LRRIQ1: variants seen among roughly 807,000 people sequenced by gnomAD.
LRRIQ1 encodes the protein leucine rich repeats and IQ motif containing 1.
LRRIQ1 carries 210 observed loss-of-function variants against 211.9 expected under a neutral mutation model. That is an observed-to-expected ratio of 0.99 (90% CI 0.89 to 1.11). LRRIQ1 has a LOEUF of 1.11. LRRIQ1 is among the 50% of genes most tolerant of loss of function. The pLI, the probability that LRRIQ1 is intolerant of heterozygous loss-of-function variation, is 0.00. For missense variants in LRRIQ1, 2,136 were observed against 1,939.5 expected (o/e 1.10, Z -1.90); for synonymous variants, 699 against 650.1 (o/e 1.08, Z -1.14).
At chr12:85,127,797 A>T (rs540752568) in intron 17 of LRRIQ1, 35 bp from the exon 18 acceptor site, 2 of 1,581,454 alleles carry the variant, frequency 1.3e-6, no homozygotes, top group East Asian at 2.2e-5. Flanking sequence ...ACAGATAATA[A>T]AAAAAGTGTG....
intron 15 of LRRIQ1, among the ~76,000 whole-genome samples, chr12:85,120,657 T>G (rs1226995431): frequency 2.0e-5 from 3 of 152,242 alleles, no homozygotes; most frequent in African/African-American, 7.2e-5. Flanking sequence ...TTCCTATCCA[T>G]GAACCCCCCC....
intron 24 of LRRIQ1, among the ~76,000 whole-genome samples, chr12:85,227,126 A>C (rs1051583499): frequency 6.6e-6 from 1 of 151,794 alleles, no homozygotes; most frequent in African/African-American, 2.4e-5. Context: ...ACTGTCTTCC[A>C]CAATGGTTGA....
At chr12:85,248,217 A>G (rs1406913068), downstream of LRRIQ1, among the ~76,000 whole-genome samples, 1 of 151,534 alleles carries the variant, frequency 6.6e-6, no homozygotes, top group African/African-American at 2.4e-5. Context: ...TATAATGATC[A>G]TATTTCTTTG....
At chr12:85,239,540 G>T (rs913364084) in intron 26 of LRRIQ1, among the ~76,000 whole-genome samples, 1 of 151,760 alleles carries the variant, frequency 6.6e-6, no homozygotes, top group Non-Finnish European at 1.5e-5. Flanking sequence ...ACAATTCAAG[G>T]GGGGGAAAGA....
At position 85,229,035 on chromosome 12, in the gene LRRIQ1, A is replaced by G. The variant is rs146939854; in HGVS notation, c.4823-482A>G. Among the ~76,000 whole-genome samples the G allele has an allele frequency of 5.2e-3, 790 of 152,290 alleles. 5 individuals are homozygous for G. The highest frequency in any genetic ancestry group is 8.5e-3 in the Non-Finnish European group (575 of 68,004). On this transcript the variant is annotated intron_variant, in intron 24 of 26. Coordinates refer to ENST00000393217, the MANE Select transcript of LRRIQ1 (RefSeq NM_001079910.2). ...CTTCAGTGTAACTCTGATATGTATGAAATACTATAGTAGCTTACACAAAGC... is the reference window on the plus strand; with the variant it reads ...CTTCAGTGTAACTCTGATATGTATGGAATACTATAGTAGCTTACACAAAGC...
intron 24 of LRRIQ1, among the ~76,000 whole-genome samples, chr12:85,161,164 C>T (rs1890852612): frequency 6.6e-6 from 1 of 152,032 alleles, no homozygotes; most frequent in Admixed American, 6.6e-5. Flanking sequence ...GTTTGCCCAA[C>T]TCACTGTTGG....
chr12:85,054,111 T>G (rs1239187103), intron 7 of LRRIQ1, among the ~76,000 whole-genome samples: 1 of 152,198 alleles, frequency 6.6e-6, no homozygotes, highest in Non-Finnish European at 1.5e-5. Context: ...GATTTTTCAT[T>G]TTATACATTC....
the LRRIQ1 span, among the ~76,000 whole-genome samples, chr12:85,270,047 C>A: frequency 6.6e-6 from 1 of 151,954 alleles, no homozygotes; most frequent in Non-Finnish European, 1.5e-5. Flanking sequence ...GAGGACCCCA[C>A]CTTCATGACC....
chr12:85,261,765 TTTTA>T (rs375693906), intron 1 of LRRIQ1, among the ~76,000 whole-genome samples: 1,766 of 139,646 alleles, frequency 0.013, 24 homozygotes, highest in African/African-American at 0.04. Context: ...TTTTTGTTTA[TTTTA>T]TTTATTTATT....
Position 85,046,126 on chromosome 12 carries a change from A to C in LRRIQ1, c.443A>C (p.His148Pro). 6.3e-7 allele frequency: 1 copy of C among 1,589,694 alleles called. No individual in the cohort carries two copies. The highest frequency in any genetic ancestry group is 1.3e-5 in the African/African-American group (1 of 74,486). The change falls in exon 5 of 27, where the codon CAT (histidine) becomes CCT (proline). Residue 148 changes from histidine to proline, a missense_variant. By Grantham distance (77) the His-to-Pro change is moderately conservative (BLOSUM62 -2). Coordinates refer to ENST00000393217, the MANE Select transcript of LRRIQ1 (RefSeq NM_001079910.2). ...PSPHDLPMDE[H>P]VLPDDADINF... ...CCTCATGACTTGCCTATGGATGAAC[A>C]TGTTTTACCAGGTGGACTAAATTGC...
intron 19 of LRRIQ1, among the ~76,000 whole-genome samples, chr12:85,138,408 A>C (rs928600425): frequency 2.0e-5 from 3 of 151,608 alleles, no homozygotes; most frequent in Admixed American, 2.0e-4. Context: ...CAAATTTAAT[A>C]CTTTTAAAGA....
At chr12:85,220,734 A>G (rs981030643) in intron 24 of LRRIQ1, among the ~76,000 whole-genome samples, 1 of 150,946 alleles carries the variant, frequency 6.6e-6, no homozygotes. Context: ...ATGTTGGTGT[A>G]CTGCACCCAT....
chr12:85,091,380 T>G (rs1885373594), intron 11 of LRRIQ1, among the ~76,000 whole-genome samples: 1 of 152,210 alleles, frequency 6.6e-6, no homozygotes, highest in African/African-American at 2.4e-5. Flanking sequence ...AAATTCCTTA[T>G]AGATTCTGTA....
chr12:85,085,203 AG>A (rs1175303461), intron 11 of LRRIQ1, among the ~76,000 whole-genome samples: 4 of 152,172 alleles, frequency 2.6e-5, no homozygotes, highest in Non-Finnish European at 4.4e-5. Context: ...TAATTTATAA[AG>A]GGAAGAGGTT....
Position 85,244,826 on chromosome 12 carries a change from T to C in LRRIQ1, c.5054T>C (p.Leu1685Pro). The C allele has an allele frequency of 1.2e-6, 2 of 1,610,704 alleles. No individual in the cohort carries two copies. Among genetic ancestry groups the C allele is most frequent in the Non-Finnish European group, 1.7e-6 (2 of 1,177,774 alleles). The change falls in exon 27 of 27, where the codon CTT becomes CCT. Residue 1685 changes from leucine (L) to proline (P), a missense_variant. Physicochemically the swap from Leu to Pro is moderately conservative, Grantham distance 98. Coordinates refer to ENST00000393217, the MANE Select transcript of LRRIQ1 (RefSeq NM_001079910.2). ...LVSREDTDLDLFSMTNGSALS... is the reference protein window; with the variant it reads ...LVSREDTDLDPFSMTNGSALS... ...AGCAGAGAAGACACGGATTTAGACC[T>C]TTTTTCCATGACCAATGGAAGTGCT... is the stretch of plus-strand genomic sequence containing the variant.
At chr12:85,248,982 A>G (rs1272806137), downstream of LRRIQ1, among the ~76,000 whole-genome samples, 1 of 151,798 alleles carries the variant, frequency 6.6e-6, no homozygotes, top group East Asian at 1.9e-4. Context: ...GAAATTTCCT[A>G]CTAATAATAA....
At chr12:85,256,339 T>A (rs1432137298) in intron 1 of LRRIQ1, among the ~76,000 whole-genome samples, 1 of 151,766 alleles carries the variant, frequency 6.6e-6, no homozygotes, top group Non-Finnish European at 1.5e-5. Context: ...ATTTATATGA[T>A]CATTTTCTTT....
intron 24 of LRRIQ1, among the ~76,000 whole-genome samples, chr12:85,187,740 C>T (rs1415293173): frequency 2.7e-5 from 4 of 148,556 alleles, no homozygotes; most frequent in African/African-American, 7.5e-5. Flanking sequence ...ATCTGGGAGG[C>T]GGAGATTGCA....
chr12:85,069,489 A>G (rs1305431933), intron 10 of LRRIQ1, among the ~76,000 whole-genome samples: 1 of 152,026 alleles, frequency 6.6e-6, no homozygotes, highest in Admixed American at 6.6e-5. Context: ...CGGTATTTCT[A>G]GTTCTAGATC....
Sources: gnomAD v4.1 joint callset for allele counts (sites outside exome capture counted in the v4.1 genomes callset) on GRCh38, gnomAD v4.1.1 for gene constraint, MANE v1.5 for transcripts, NCBI Gene and HGNC (gene_info 2026-07-23, HGNC 2026-07-21) for gene names.